Variants in PHF10 observed in about 807,000 individuals in gnomAD.
PHF10 encodes BRG1-associated factor 45a.
A neutral mutation model predicts 68.5 loss-of-function variants in PHF10; 51 were observed. The ratio of observed to expected loss-of-function variants is 0.74; its 90% CI spans 0.59 to 0.94. The LOEUF is 0.94. Ranked by LOEUF, PHF10 falls within the 40% of genes least tolerant of loss-of-function variation. The pLI, the probability that PHF10 is intolerant of heterozygous loss-of-function variation, is 0.00. For missense variants in PHF10, 460 were observed against 602.6 expected, an observed-to-expected ratio of 0.76 and a Z score of 2.48; for synonymous variants, 204 against 203.5, an observed-to-expected ratio of 1.00 and a Z score of -0.02.
intron 1 of PHF10, 127 bp downstream of exon 1, chr6:169,723,718 A>C (rs1448440593): frequency 7.6e-6 from 2 of 262,300 alleles, no homozygotes; most frequent in Non-Finnish European, 1.3e-5. Context: ...CCCCGGTCTC[A>C]GGCGCGGCGC....
intron 8 of PHF10, among the ~76,000 whole-genome samples, chr6:169,711,279 C>G (rs1788922020): frequency 6.6e-6 from 1 of 152,096 alleles, no homozygotes; most frequent in Non-Finnish European, 1.5e-5. Context: ...TGTGCATTTT[C>G]TCACAATCAT....
intron 9 of PHF10, chr6:169,709,368 T>A (rs1207795343): frequency 6.6e-6 from 1 of 152,208 alleles, no homozygotes; most frequent in African/African-American, 2.4e-5. Flanking sequence ...AAAAGCATGT[T>A]CTAATACATT....
chr6:169,717,910 C>CAA lies in PHF10; in HGVS notation c.326-6_326-5dup. Reference sequence around the variant, plus strand: ...GACAAATCTCGTCGCTCTAAATCTCCAAAAAAAAGATCAAAAGACTATTAA... The same window carrying CAA: ...GACAAATCTCGTCGCTCTAAATCTCCAAAAAAAAAAGATCAAAAGACTATTAA... On this transcript the variant is annotated splice_region_variant and splice_polypyrimidine_tract_variant and intron_variant, in intron 3 of 11. Transcript: ENST00000339209. 6.9e-7 allele frequency: 1 copy of CAA among 1,456,366 alleles called. No homozygotes were observed. The allele number at this position is 1,456,366 out of a possible 1,614,324, so 90.2% of individuals were successfully genotyped here. A position where few individuals can be genotyped will look rare whatever the true frequency, so the allele number is the denominator to read the frequency against.
chr6:169,718,632 C>T (rs78780499), intron 3 of PHF10, among the ~76,000 whole-genome samples, 156 bp downstream of exon 3: 103 of 152,206 alleles, frequency 6.8e-4, no homozygotes, highest in African/African-American at 2.4e-3. Flanking sequence ...CGCACCAGTG[C>T]GCTCTAGCCT....
chr6:169,706,384 A>G (rs1291422253), intron 9 of PHF10, among the ~76,000 whole-genome samples: 1 of 152,196 alleles, frequency 6.6e-6, no homozygotes, highest in Non-Finnish European at 1.5e-5. Context: ...GTAAAATTAT[A>G]AAAGGGAAAA....
At chr6:169,713,612 A>T (rs1326825048) in intron 7 of PHF10, among the ~76,000 whole-genome samples, 3 of 152,060 alleles carry the variant, frequency 2.0e-5, no homozygotes. Flanking sequence ...AAAAAAAAAA[A>T]AAAATTTGAA....
At chr6:169,714,282 T>C (rs1788993531) in intron 7 of PHF10, among the ~76,000 whole-genome samples, 1 of 152,224 alleles carries the variant, frequency 6.6e-6, no homozygotes, top group Non-Finnish European at 1.5e-5. Flanking sequence ...CCGCTCCTTC[T>C]CTCATCTTCT....
Position 169,721,026 on chromosome 6 carries a change from TCA to T in PHF10, c.171_172del (p.Cys57Ter). On this transcript the variant is annotated stop_gained and frameshift_variant, in exon 2 of 12. Transcript: ENST00000339209. LOFTEE classifies it high-confidence loss of function. ...GTACCCAAGATCTTGACTTGAAGTT[TCA>T]CAACTCCTAGAACTATCTCCTGAGC... The T allele has an allele frequency of 6.5e-7, 1 of 1,542,916 alleles. No individual in the cohort carries two copies. Among genetic ancestry groups the T allele is most frequent in the Non-Finnish European group, 8.8e-7 (1 of 1,141,162 alleles).
chr6:169,717,871 G>A lies in PHF10; in HGVS notation c.361C>T (p.Leu121Phe). ...ATGACATTTAGCTCTCTCAGGTAGA[G>A]TTTCTCCTTGTGAGACAAATCTCGT... is the stretch of plus-strand genomic sequence containing the variant. ...ERRDLSHKEKLYLRELNVITE... is the reference protein window; with the variant it reads ...ERRDLSHKEKFYLRELNVITE... Residue 121 changes from leucine (L) to phenylalanine (F), a missense_variant, in exon 4 of 12, where the codon CTC becomes TTC. Coordinates refer to ENST00000339209, the MANE Select transcript of PHF10 (RefSeq NM_018288.4). 1 of 1,570,538 alleles carries A rather than the reference G, an allele frequency of 6.4e-7. No homozygotes were observed. Among genetic ancestry groups the A allele is most frequent in the Non-Finnish European group, 8.7e-7 (1 of 1,146,370 alleles).
At chr6:169,704,129 T>C (rs1345264932) in intron 11 of PHF10, 41 bp from the exon 12 acceptor site, 2 of 1,455,070 alleles carry the variant, frequency 1.4e-6, no homozygotes, top group Non-Finnish European at 1.9e-6. Flanking sequence ...AAATTATCTT[T>C]ACAGGACTGA....
chr6:169,718,536 G>T (rs1255416345), intron 3 of PHF10, among the ~76,000 whole-genome samples: 1 of 152,230 alleles, frequency 6.6e-6, no homozygotes, highest in East Asian at 1.9e-4. Context: ...CACGCGTCGT[G>T]GTGCACACCT....
chr6:169,717,934 A>G (rs1184740287), intron 3 of PHF10, 28 bp from the exon 4 acceptor site: 9 of 1,116,704 alleles, frequency 8.1e-6, no homozygotes, highest in Non-Finnish European at 1.2e-5. Context: ...AAAGACTATT[A>G]AAAACAGCAA....
intron 11 of PHF10, chr6:169,704,384 C>G (rs1308046729): frequency 8.7e-6 from 3 of 344,352 alleles, no homozygotes; most frequent in East Asian, 9.9e-5. Flanking sequence ...TATCATACTT[C>G]AAAAGGTCAA....
In PHF10 at chr6:169,715,875, A is replaced by T; in HGVS notation, c.544-18T>A. 6.2e-7 allele frequency: 1 copy of T among 1,604,042 alleles called. No individual in the cohort carries two copies. Among genetic ancestry groups the T allele is most frequent in the Non-Finnish European group, 8.5e-7 (1 of 1,175,642 alleles). On this transcript the variant is annotated intron_variant, in intron 5 of 11. Coordinates refer to ENST00000339209, the MANE Select transcript of PHF10 (RefSeq NM_018288.4). ...TGCATTTGCTGGAAAAAAAAAATAC[A>T]GTTGGAAGTCACATATAACTTTCTA...
chr6:169,705,147 C>G lies in PHF10; in HGVS notation c.1397G>C (p.Gly466Ala). The change falls in exon 11 of 12, where the codon GGT (glycine) becomes GCT (alanine). Residue 466 changes from glycine (G) to alanine (A), a missense_variant. Physicochemically the swap from Gly to Ala is moderately conservative, Grantham distance 60 (BLOSUM62 0). Coordinates refer to ENST00000339209, the MANE Select transcript of PHF10 (RefSeq NM_018288.4). ...TTAATCTTTACCTGATGGAATAGCA[C>G]CAAGGCCCACACAAAAAGTATGATA... ...RGYHTFCVGL[G>A]AIPSGRWICD... The G allele has an allele frequency of 6.2e-7, 1 of 1,608,428 alleles. No homozygotes were observed. The highest frequency in any genetic ancestry group is 8.5e-7 in the Non-Finnish European group (1 of 1,177,176).
chr6:169,723,059 A>C (rs559689340), intron 1 of PHF10, among the ~76,000 whole-genome samples: 1 of 152,350 alleles, frequency 6.6e-6, no homozygotes, highest in Non-Finnish European at 1.5e-5. Flanking sequence ...CTAGGCTGCT[A>C]CAGGACGGCT....
chr6:169,718,753 T>A (rs1405480817), intron 3 of PHF10, 35 bp downstream of exon 3: 2 of 1,169,212 alleles, frequency 1.7e-6, no homozygotes, highest in East Asian at 2.4e-5. Flanking sequence ...AGAATTACTA[T>A]CAATTATAAA....
intron 6 of PHF10, 68 bp downstream of exon 6, chr6:169,715,640 G>A (rs1789029583): frequency 8.0e-7 from 1 of 1,256,908 alleles, no homozygotes; most frequent in Non-Finnish European, 1.2e-6. Context: ...GATAAAGGGG[G>A]TGATGGGCAC....
chr6:169,705,023 C>T, intron 11 of PHF10, 110 bp downstream of exon 11: 1 of 723,782 alleles, frequency 1.4e-6, no homozygotes, highest in South Asian at 2.4e-5. Context: ...CATATTTGCA[C>T]ATAAGAGTCC....
Sources: gnomAD v4.1 joint callset for allele counts (sites outside exome capture counted in the v4.1 genomes callset) on GRCh38, gnomAD v4.1.1 for gene constraint, MANE v1.5 for transcripts, NCBI Gene and HGNC (gene_info 2026-07-23, HGNC 2026-07-21) for gene names.